The following FOCAD variants were observed in gnomAD, a reference collection of about 807,000 sequenced individuals.
FOCAD encodes KIAA1797.
Under a neutral mutation model 225.6 loss-of-function variants are expected in FOCAD, and 198 were observed. The ratio of observed to expected loss-of-function variants is 0.88; its 90% confidence interval spans 0.78 to 0.99. The LOEUF (loss-of-function observed/expected upper bound fraction) is 0.99. Among genes scored for constraint, FOCAD ranks in the 50% least tolerant of loss-of-function variants. The pLI is 0.00. For synonymous variants in FOCAD, 897 were observed against 755.0 expected, an observed-to-expected ratio of 1.19 and a Z score of -3.08; for missense variants, 2,713 against 2,123.6, an observed-to-expected ratio of 1.28 and a Z score of -5.46.
intron 4 of FOCAD, among the ~76,000 whole-genome samples, chr9:20,735,394 T>G (rs1416475807): frequency 6.6e-6 from 1 of 152,214 alleles, no homozygotes; most frequent in Admixed American, 6.5e-5. Context: ...TGAAAAATAA[T>G]TGTATGTTCT....
At chr9:20,771,885 A>T (rs1818271165) in intron 8 of FOCAD, among the ~76,000 whole-genome samples, 1 of 152,188 alleles carries the variant, frequency 6.6e-6, no homozygotes, top group Admixed American at 6.5e-5. Context: ...TCCTCGCATG[A>T]TAGGGAGAGT....
At chr9:20,806,816 T>C (rs902288309) in intron 11 of FOCAD, among the ~76,000 whole-genome samples, 1 of 152,238 alleles carries the variant, frequency 6.6e-6, no homozygotes, top group African/African-American at 2.4e-5. Flanking sequence ...TAGCCTATAC[T>C]TGTTAATATT....
At chr9:20,828,030 G>A (rs1479540209) in intron 15 of FOCAD, among the ~76,000 whole-genome samples, 1 of 151,810 alleles carries the variant, frequency 6.6e-6, no homozygotes, top group Non-Finnish European at 1.5e-5. Context: ...AAATTAGCTG[G>A]GCATGGTGGC....
At chr9:20,686,598 A>G (rs1248264168) in intron 1 of FOCAD, among the ~76,000 whole-genome samples, 1 of 152,248 alleles carries the variant, frequency 6.6e-6, no homozygotes, top group Non-Finnish European at 1.5e-5. Flanking sequence ...CTTGATCTTA[A>G]TCAGTATTTC....
At chr9:20,852,641 T>C (rs1827781841) in intron 15 of FOCAD, among the ~76,000 whole-genome samples, 1 of 151,844 alleles carries the variant, frequency 6.6e-6, no homozygotes, top group East Asian at 1.9e-4. Flanking sequence ...GTTTAAAGTT[T>C]TTCTCTAAAG....
At chr9:20,753,608 G>T (rs1159012664) in intron 5 of FOCAD, among the ~76,000 whole-genome samples, 1 of 151,910 alleles carries the variant, frequency 6.6e-6, no homozygotes, top group Non-Finnish European at 1.5e-5. Context: ...CAAGGATATT[G>T]GTCTAAAATT....
intron 1 of FOCAD, among the ~76,000 whole-genome samples, chr9:20,698,423 A>G (rs1003800054): frequency 3.3e-5 from 5 of 152,062 alleles, no homozygotes; most frequent in Admixed American, 6.6e-5. Context: ...TTTTTGAGAT[A>G]GAGTCTTGCT....
In FOCAD at chr9:20,882,914, A is replaced by T. The variant is rs1033151836; in HGVS notation, c.2503+858A>T. On this transcript the variant is annotated intron_variant, in intron 20 of 43. Transcript: ENST00000338382. The stretch of plus-strand genomic sequence containing the variant: ...TCAAAGACTCATTAGACTGCCAATT[A>T]GTGGGGGGTGTTGTGGGGAGATATA... Among the ~76,000 whole-genome samples the T allele has an allele frequency of 8.5e-5, 13 of 152,150 alleles. No homozygotes were observed. The East Asian group carries it at 2.1e-3, about 25-fold the overall frequency.
intron 26 of FOCAD, among the ~76,000 whole-genome samples, chr9:20,928,702 C>T (rs1835184469): frequency 6.6e-6 from 1 of 152,124 alleles, no homozygotes; most frequent in Non-Finnish European, 1.5e-5. Context: ...CTCTCCATTT[C>T]ATTTTGAATA....
chr9:20,722,291 GT>G (rs992052718), intron 4 of FOCAD, among the ~76,000 whole-genome samples: 1 of 151,934 alleles, frequency 6.6e-6, no homozygotes, highest in African/African-American at 2.4e-5. Flanking sequence ...TTCAAGTTAT[GT>G]TTCCCCCCAT....
At chr9:20,866,025 A>G (rs190919746) in intron 17 of FOCAD, 49 bp downstream of exon 17, 25 of 1,464,346 alleles carry the variant, frequency 1.7e-5, no homozygotes, top group Non-Finnish European at 2.3e-5. Context: ...TAAGGAAATA[A>G]TTTTGACATT....
At chr9:20,721,720 T>G (rs550869521) in intron 4 of FOCAD, among the ~76,000 whole-genome samples, 1 of 152,062 alleles carries the variant, frequency 6.6e-6, no homozygotes, top group Non-Finnish European at 1.5e-5. Flanking sequence ...CAACAAAAAT[T>G]TGTGGAAAGA....
chr9:20,669,552 A>T (rs1301208089), intron 2 of FOCAD, among the ~76,000 whole-genome samples: 1 of 152,218 alleles, frequency 6.6e-6, no homozygotes, highest in African/African-American at 2.4e-5. Flanking sequence ...AGGCGGGCAG[A>T]TCACTTGAGA....
chr9:20,981,610 G>T lies in FOCAD; in HGVS notation c.4562G>T (p.Ser1521Ile), dbSNP rs367988293. ...HGLSQAMKLPSPAHHLWSLLS... is the reference protein window; with the variant it reads ...HGLSQAMKLPIPAHHLWSLLS... ...CTGAGCCAGGCCATGAAACTGCCCA[G>T]CCCTGCCCACCACCTCTGGAGTCTG... Residue 1521 changes from serine (S) to isoleucine (I), a missense_variant, in exon 38 of 44, where the codon AGC becomes ATC. Transcript: ENST00000338382. 14 of 1,613,904 alleles carry T rather than the reference G, an allele frequency of 8.7e-6. No individual in the cohort carries two copies. The African/African-American group carries it at 1.6e-4, about 18-fold the overall frequency.
chr9:20,896,454 G>A (rs556017600), intron 21 of FOCAD, among the ~76,000 whole-genome samples: 8 of 151,978 alleles, frequency 5.3e-5, no homozygotes, highest in African/African-American at 1.4e-4. Context: ...CTCCTTAAAT[G>A]TTTGGTAGAG....
intron 4 of FOCAD, among the ~76,000 whole-genome samples, chr9:20,728,593 ATTGTGGCACCTTT>A (rs1826408186): frequency 6.6e-6 from 1 of 152,136 alleles, no homozygotes; most frequent in South Asian, 2.1e-4. Context: ...CCTAGTGAAA[ATTGTGGCACCTTT>A]TTGCATTGTC....
At chr9:20,894,642 G>A (rs1379473488) in intron 21 of FOCAD, among the ~76,000 whole-genome samples, 3 of 151,976 alleles carry the variant, frequency 2.0e-5, no homozygotes, top group Admixed American at 6.6e-5. Flanking sequence ...TTATCTGTGT[G>A]TCTATTTCTT....
At chr9:20,958,547 C>T (rs1587719925) in intron 35 of FOCAD, among the ~76,000 whole-genome samples, 1 of 151,934 alleles carries the variant, frequency 6.6e-6, no homozygotes, top group African/African-American at 2.4e-5. Context: ...TGGGAACATT[C>T]AATTCCTCCT....
intron 2 of FOCAD, 114 bp downstream of exon 2, chr9:20,715,524 T>C: frequency 2.3e-6 from 1 of 436,834 alleles, no homozygotes; most frequent in Non-Finnish European, 3.6e-6. Context: ...TAGAGATTTA[T>C]ATTTTGTGAA....
Sources: allele counts gnomAD v4.1 joint callset (sites outside exome capture counted in the v4.1 genomes callset), GRCh38; gene constraint gnomAD v4.1.1; transcripts MANE v1.5; gene names NCBI Gene and HGNC (gene_info 2026-07-23, HGNC 2026-07-21).